Variants in RANBP17 observed in about 807,000 individuals in gnomAD.
RANBP17 encodes the protein RAN binding protein 17.
In RANBP17, 158 loss-of-function variants were observed where a neutral mutation model predicts 141.2. That is an observed-to-expected ratio of 1.12 (90% CI 0.98 to 1.28). The LOEUF (loss-of-function observed/expected upper bound fraction) is 1.28, where lower values mean the gene tolerates loss of function less well. Among genes scored for constraint, RANBP17 ranks in the 50% most tolerant of loss-of-function variants. RANBP17 has a pLI of 0.00. For missense variants in RANBP17, 1,438 were observed against 1,290.7 expected, an observed-to-expected ratio of 1.11 and a Z score of -1.75; for synonymous variants, 430 against 450.0, an observed-to-expected ratio of 0.96 and a Z score of 0.56.
intron 14 of RANBP17, among the ~76,000 whole-genome samples, chr5:171,048,411 T>A (rs970108549): frequency 2.0e-5 from 3 of 152,214 alleles, no homozygotes; most frequent in Non-Finnish European, 2.9e-5. Context: ...AATCTGTCTT[T>A]CAACTGCTGT....
chr5:171,209,225 G>A (rs1474996182), intron 20 of RANBP17, among the ~76,000 whole-genome samples: 1 of 152,118 alleles, frequency 6.6e-6, no homozygotes, highest in Non-Finnish European at 1.5e-5. Flanking sequence ...GTTGGCCTAG[G>A]CATCAGGTTT....
rs191170152 is a variant in RANBP17 at position 171,091,358 on chromosome 5, G to A, written c.1711-78772G>A. On this transcript the variant is annotated intron_variant, in intron 14 of 27. Transcript: ENST00000523189. Reference sequence around the variant, plus strand: ...TTGTCCAGTTTCCCCCATTTGGAACGGCTGTATTTATCCAATGCCTGTACC... The same window carrying A: ...TTGTCCAGTTTCCCCCATTTGGAACAGCTGTATTTATCCAATGCCTGTACC... Among the ~76,000 whole-genome samples, 844 of 98,740 alleles carry A rather than the reference G, an allele frequency of 8.5e-3. 4 individuals are homozygous for A. The highest frequency in any genetic ancestry group is 0.014 in the Non-Finnish European group (561 of 39,450). 64.8% of individuals were successfully genotyped at this position (98,740 alleles called of 152,430 possible). A position where few individuals can be genotyped will look rare whatever the true frequency, so the allele number is the denominator to read the frequency against.
rs908445051 is a variant in RANBP17, at chr5:171,177,809, G to T, written c.1866-5358G>T. ...AATGTAATATAGTTTAGTATTTGCT[G>T]GTCCTGTCTCCTATTAGATTGTAAA... On this transcript the variant is annotated intron_variant, in intron 16 of 27. Transcript: ENST00000523189. Among the ~76,000 whole-genome samples, 20 of 152,100 alleles carry T rather than the reference G, an allele frequency of 1.3e-4. No homozygotes were observed. The South Asian group carries it at 1.9e-3, about 14-fold the overall frequency.
In RANBP17 at chr5:171,183,197, A is replaced by G; in HGVS notation, c.1896A>G (p.Ile632Met). Reference sequence around the variant, plus strand: ...TCCTTTTAAAAAAACTTGTGAAGATAGATGCTGTGAAATTCATGCTAAAAA... The same window carrying G: ...TCCTTTTAAAAAAACTTGTGAAGATGGATGCTGTGAAATTCATGCTAAAAA... ...GYILLKKLVK[I>M]DAVKFMLKNH... The change falls in exon 17 of 28, where the codon ATA becomes ATG. Residue 632 changes from isoleucine to methionine, a missense_variant. By Grantham distance (10) the Ile-to-Met change is conservative. Transcript: ENST00000523189. 6.3e-7 allele frequency: 1 copy of G among 1,581,016 alleles called. No individual in the cohort carries two copies. The highest frequency in any genetic ancestry group is 8.7e-7 in the Non-Finnish European group (1 of 1,149,990).
At chr5:170,980,194 A>G (rs946715710) in intron 14 of RANBP17, among the ~76,000 whole-genome samples, 3 of 152,192 alleles carry the variant, frequency 2.0e-5, no homozygotes, top group African/African-American at 7.2e-5. Context: ...CAAAACATTC[A>G]AGAGGTGACT....
In RANBP17 at chr5:171,019,726, AT is replaced by A. The variant is rs1053280559; in HGVS notation, c.1710+51356del. ...TTTAAACCAGGTCCTGGATTCATTG[AT>A]TTTTTTGGAGGGGTTTCCATGTCTT... On this transcript the variant is annotated intron_variant, in intron 14 of 27. Transcript: ENST00000523189. 3.3e-5 allele frequency among the ~76,000 whole-genome samples: 5 copies of A among 150,644 alleles called. 1 individual carries two copies. Among genetic ancestry groups the A allele is most frequent in the Non-Finnish European group, 1.5e-5 (1 of 67,672 alleles).
intron 27 of RANBP17, 110 bp downstream of exon 27, chr5:171,296,124 A>G: frequency 9.1e-7 from 1 of 1,094,976 alleles, no homozygotes. Flanking sequence ...CTTTTCTGTT[A>G]CACCTTGTGA....
chr5:170,969,682 T>C (rs965350812), intron 14 of RANBP17, among the ~76,000 whole-genome samples: 23 of 151,958 alleles, frequency 1.5e-4, no homozygotes, highest in African/African-American at 4.8e-4. Flanking sequence ...GAAGGAACTA[T>C]GTAAAATGAG....
chr5:171,117,172 T>C (rs1245412697), intron 14 of RANBP17, among the ~76,000 whole-genome samples: 1 of 152,192 alleles, frequency 6.6e-6, no homozygotes, highest in Non-Finnish European at 1.5e-5. Context: ...ACTGATATCT[T>C]TCCTTTGGAT....
chr5:171,089,602 A>G (rs1333486168), intron 14 of RANBP17, among the ~76,000 whole-genome samples: 2 of 152,052 alleles, frequency 1.3e-5, no homozygotes, highest in Non-Finnish European at 2.9e-5. Flanking sequence ...TGTGCTAGCA[A>G]TCAGTGAGAT....
chr5:171,251,716 T>G (rs909710465), intron 24 of RANBP17: 8 of 648,754 alleles, frequency 1.2e-5, no homozygotes, highest in Non-Finnish European at 2.7e-6. Context: ...CGGCTCGGGG[T>G]CCACCCGCGG....
At chr5:170,939,868 A>G (rs188573020) in intron 12 of RANBP17, among the ~76,000 whole-genome samples, 14 of 152,340 alleles carry the variant, frequency 9.2e-5, no homozygotes, top group African/African-American at 3.1e-4. Context: ...TTAAAATGGC[A>G]GCACTTCAAG....
intron 14 of RANBP17, among the ~76,000 whole-genome samples, chr5:170,993,429 G>C (rs1425524196): frequency 1.3e-5 from 2 of 151,904 alleles, no homozygotes; most frequent in Non-Finnish European, 2.9e-5. Context: ...TTAAAGAAAA[G>C]TACTTGAGAC....
At chr5:170,929,851 T>C (rs1316114776) in intron 12 of RANBP17, among the ~76,000 whole-genome samples, 1 of 152,204 alleles carries the variant, frequency 6.6e-6, no homozygotes, top group East Asian at 1.9e-4. Context: ...GGGTTTATAA[T>C]TGTGAATTCA....
chr5:171,247,310 A>G (rs1023797930), intron 24 of RANBP17, among the ~76,000 whole-genome samples: 13 of 152,174 alleles, frequency 8.5e-5, no homozygotes, highest in Non-Finnish European at 1.5e-5. Context: ...TCACATTGTA[A>G]CCACTGGATA....
chr5:171,286,914 CTACTG>C (rs1561830816), intron 25 of RANBP17, among the ~76,000 whole-genome samples: 1 of 152,222 alleles, frequency 6.6e-6, no homozygotes, highest in Non-Finnish European at 1.5e-5. Flanking sequence ...AAATCCTACT[CTACTG>C]TAAGCAATCA....
chr5:170,865,358 C>T (rs1179558916), intron 1 of RANBP17, among the ~76,000 whole-genome samples: 9 of 152,140 alleles, frequency 5.9e-5, no homozygotes, highest in Non-Finnish European at 8.8e-5. Context: ...CCACCGCGCC[C>T]GGCCCTGTTT....
At chr5:171,225,895 T>G (rs1467510149) in intron 22 of RANBP17, among the ~76,000 whole-genome samples, 2 of 152,204 alleles carry the variant, frequency 1.3e-5, no homozygotes, top group African/African-American at 4.8e-5. Flanking sequence ...TTAATTTTGC[T>G]TCAGCTCTCA....
At chr5:171,182,018 G>A (rs1760891438) in intron 16 of RANBP17, among the ~76,000 whole-genome samples, 1 of 152,192 alleles carries the variant, frequency 6.6e-6, no homozygotes, top group African/African-American at 2.4e-5. Flanking sequence ...CCTGACTCAT[G>A]TTCCAATGTG....
Sources: allele counts gnomAD v4.1 joint callset (sites outside exome capture counted in the v4.1 genomes callset), GRCh38; gene constraint gnomAD v4.1.1; transcripts MANE v1.5; gene names NCBI Gene and HGNC (gene_info 2026-07-23, HGNC 2026-07-21).